Variants in DTL observed in about 807,000 individuals in gnomAD.
DTL encodes the protein denticleless E3 ubiquitin protein ligase adapter, also known as denticleless protein homolog.
In DTL, 46 loss-of-function variants were observed where a neutral mutation model predicts 87.0. The ratio of observed to expected loss-of-function variants is 0.53; its 90% CI spans 0.42 to 0.68. The LOEUF (loss-of-function observed/expected upper bound fraction) is 0.68, where lower values mean the gene tolerates loss of function less well. DTL is among the 30% of genes least tolerant of loss of function. DTL has a pLI of 0.00. For synonymous variants in DTL, 308 were observed against 311.2 expected, an observed-to-expected ratio of 0.99 and a Z score of 0.11; for missense variants, 737 against 869.4, an observed-to-expected ratio of 0.85 and a Z score of 1.91.
chr1:212,051,576 T>A, intron 5 of DTL: 1 of 768,154 alleles, frequency 1.3e-6, no homozygotes, highest in Non-Finnish European at 2.2e-6. Flanking sequence ...CTCCTTCCCA[T>A]TGGTTCTCAC....
chr1:212,080,265 T>C (rs1256571506), intron 12 of DTL: 1 of 164,588 alleles, frequency 6.1e-6, no homozygotes, highest in East Asian at 1.7e-4. Flanking sequence ...ATATACTGAT[T>C]GATCATTTAA....
At position 212,035,789 on chromosome 1, in the gene DTL, C is replaced by T. The variant is rs1019387339; in HGVS notation, c.-102C>T. ...GGCTTACAGTGGCGGGAGTTGGAGGCGATAACGATTTGTGTTGTGAGAGGC... is the reference window on the plus strand; with the variant it reads ...GGCTTACAGTGGCGGGAGTTGGAGGTGATAACGATTTGTGTTGTGAGAGGC... On this transcript the variant is annotated 5_prime_UTR_variant, in exon 1 of 15. Transcript: ENST00000366991. 3 of 1,095,126 alleles carry T rather than the reference C, an allele frequency of 2.7e-6. No individual in the cohort carries two copies. Among genetic ancestry groups the T allele is most frequent in the South Asian group, 2.8e-5 (2 of 72,352 alleles). 67.8% of individuals were successfully genotyped at this position (1,095,126 alleles called of 1,614,324 possible). A position where few individuals can be genotyped will look rare whatever the true frequency, so the allele number is the denominator to read the frequency against.
chr1:212,063,092 A>G, intron 6 of DTL, 143 bp downstream of exon 6: 2 of 657,736 alleles, frequency 3.0e-6, no homozygotes, highest in Non-Finnish European at 2.7e-6. Context: ...TCCAGATCTC[A>G]GGATCTTCAC....
intron 1 of DTL, among the ~76,000 whole-genome samples, chr1:212,038,217 C>T (rs913452399): frequency 2.0e-5 from 3 of 152,182 alleles, no homozygotes; most frequent in Non-Finnish European, 2.9e-5. Flanking sequence ...TCCACACGGC[C>T]AATGGCCTCA....
At chr1:212,066,789 T>G (rs199710338) in intron 7 of DTL, 23 bp from the exon 8 acceptor site, 49 of 1,608,642 alleles carry the variant, frequency 3.0e-5, no homozygotes, top group Non-Finnish European at 3.8e-5. Flanking sequence ...AGATAGAATC[T>G]TCTTCTTTTC....
intron 1 of DTL, among the ~76,000 whole-genome samples, chr1:212,036,565 G>A (rs192844233): frequency 1.3e-5 from 2 of 152,220 alleles, no homozygotes; most frequent in Non-Finnish European, 1.5e-5. Flanking sequence ...TGTTTTCGAC[G>A]CTAGAGGTAA....
Position 212,046,037 on chromosome 1 carries a change from A to G in DTL, c.278-1114A>G, listed in dbSNP as rs548677129. On this transcript the variant is annotated intron_variant, in intron 3 of 14. Transcript: ENST00000366991. ...GTGATCTGCCTGTCTTGGCCTCCCA[A>G]AGTGCTGGGATTACAGGTGTTAGCC... Among the ~76,000 whole-genome samples, 6 of 152,262 alleles carry G rather than the reference A, an allele frequency of 3.9e-5. No homozygotes were observed. In the South Asian group the frequency reaches 1.2e-3, roughly 32 times the overall value.
chr1:212,058,836 C>A (rs1182724958), intron 5 of DTL, among the ~76,000 whole-genome samples: 1 of 151,790 alleles, frequency 6.6e-6, no homozygotes, highest in African/African-American at 2.4e-5. Flanking sequence ...TAAATAAAAT[C>A]AGAAATGAAA....
At position 212,100,762 on chromosome 1, in the gene DTL, T is replaced by A; in HGVS notation, c.1772T>A (p.Leu591His). ...AATCTTCATTTGGATCTGTGCTGCC[T>A]TGCTGGTAACCAGGAAGACCTTAGT... ...VENLHLDLCC[L>H]AGNQEDLSKD... The change falls in exon 14 of 15, where the codon CTT becomes CAT. Residue 591 changes from leucine (L) to histidine (H), a missense_variant. Physicochemically the swap from Leu to His is moderately conservative, Grantham distance 99. Coordinates refer to ENST00000366991, the MANE Select transcript of DTL (RefSeq NM_016448.4). The A allele has an allele frequency of 1.2e-6, 2 of 1,614,146 alleles. No individual in the cohort carries two copies. Among genetic ancestry groups the A allele is most frequent in the Non-Finnish European group, 1.7e-6 (2 of 1,180,022 alleles).
At position 212,047,332 on chromosome 1, in the gene DTL, G is replaced by C. The variant is rs1558071791; in HGVS notation, c.375G>C (p.Trp125Cys). 6.2e-7 allele frequency: 1 copy of C among 1,614,110 alleles called. No individual in the cohort carries two copies. The highest frequency in any genetic ancestry group is 2.2e-5 in the East Asian group (1 of 44,872). Residue 125 changes from tryptophan to cysteine, a missense_variant, in exon 5 of 15, where the codon TGG becomes TGC. Trp to Cys is a radical substitution (Grantham distance 215). Transcript: ENST00000366991. ...CAGGTGATCAAACAGCCAAATTTTG[G>C]GACGTAAAAGCTGGTGAGCTGATTG... Reference protein sequence around the residue: ...TAAGDQTAKFWDVKAGELIGT... With the variant: ...TAAGDQTAKFCDVKAGELIGT...
chr1:212,055,087 A>G (rs1668126251), intron 5 of DTL, among the ~76,000 whole-genome samples: 1 of 152,250 alleles, frequency 6.6e-6, no homozygotes, highest in Non-Finnish European at 1.5e-5. Context: ...GTGAGATCGT[A>G]GATAATCACC....
At chr1:212,065,093 C>A in intron 7 of DTL, 64 bp downstream of exon 7, 1 of 1,178,398 alleles carries the variant, frequency 8.5e-7, no homozygotes, top group Non-Finnish European at 1.3e-6. Flanking sequence ...AAATGGGAGG[C>A]TATTGATTAA....
chr1:212,044,762 A>G lies in DTL; in HGVS notation c.277+4A>G. 3 of 1,576,390 alleles carry G rather than the reference A, an allele frequency of 1.9e-6. No individual in the cohort carries two copies. Among genetic ancestry groups the G allele is most frequent in the Non-Finnish European group, 2.6e-6 (3 of 1,155,020 alleles). Reference sequence around the variant, plus strand: ...TTCAGAAAGAAGTGCTTCAAAGGTAAGTCTAGGTCTACAATTTTTGTTTTA... The same window carrying G: ...TTCAGAAAGAAGTGCTTCAAAGGTAGGTCTAGGTCTACAATTTTTGTTTTA... On this transcript the variant is annotated splice_donor_region_variant and intron_variant, in intron 3 of 14. Coordinates refer to ENST00000366991, the MANE Select transcript of DTL (RefSeq NM_016448.4).
At position 212,050,882 on chromosome 1, in the gene DTL, T is replaced by C. The variant is rs1437384595; in HGVS notation, c.460+3465T>C. Among the ~76,000 whole-genome samples the C allele has an allele frequency of 5.3e-5, 8 of 152,284 alleles. No homozygotes were observed. The East Asian group carries it at 1.4e-3, about 26-fold the overall frequency. ...GCTAAGGTTATTAATTATCTAATTA[T>C]CAGAAAGCACGAAACTTTTCAGGTC... is the stretch of plus-strand genomic sequence containing the variant. On this transcript the variant is annotated intron_variant, in intron 5 of 14. Coordinates refer to ENST00000366991, the MANE Select transcript of DTL (RefSeq NM_016448.4).
intron 5 of DTL, among the ~76,000 whole-genome samples, chr1:212,054,494 A>C (rs1476499201): frequency 1.3e-5 from 2 of 151,612 alleles, no homozygotes; most frequent in African/African-American, 4.8e-5. Flanking sequence ...CAAAAATTGC[A>C]TGTTTAAGAG....
intron 5 of DTL, among the ~76,000 whole-genome samples, chr1:212,058,727 A>G (rs1477307181): frequency 6.6e-6 from 1 of 152,136 alleles, no homozygotes; most frequent in African/African-American, 2.4e-5. Context: ...AAAAAACAAG[A>G]AAAAGGGTCA....
chr1:212,045,924 T>TTTGTTGTTG (rs10636026), intron 3 of DTL, among the ~76,000 whole-genome samples: 1,597 of 150,750 alleles, frequency 0.011, 29 homozygotes, highest in African/African-American at 0.036. Flanking sequence ...TGTTTTTGGT[T>TTTGTTGTTG]TTGTTGTTGT....
At position 212,100,931 on chromosome 1, in the gene DTL, T is replaced by C. The variant is rs375388493; in HGVS notation, c.1941T>C (p.Ser647=). The C allele has an allele frequency of 6.2e-7, 1 of 1,614,076 alleles. No individual in the cohort carries two copies. The highest frequency in any genetic ancestry group is 1.3e-5 in the African/African-American group (1 of 74,934). ...CTTTGAGACCTTGTGGAGAAGGGTC[T>C]GAAATGGTAGGCAAAGAGAATAGTT... ...PLPLRPCGEG[S]EMVGKENSSP... is the part of the protein sequence containing the mutation. Residue 647 remains serine (S), a synonymous_variant, in exon 14 of 15, where the codon TCT becomes TCC. Transcript: ENST00000366991.
At chr1:212,036,268 GTTAT>G (rs1239879593) in intron 1 of DTL, among the ~76,000 whole-genome samples, 1 of 152,138 alleles carries the variant, frequency 6.6e-6, no homozygotes, top group African/African-American at 2.4e-5. Context: ...TCCTTCAACG[GTTAT>G]TTGAGATGCT....
Sources: gnomAD v4.1 joint callset for allele counts (sites outside exome capture counted in the v4.1 genomes callset) on GRCh38, gnomAD v4.1.1 for gene constraint, MANE v1.5 for transcripts, NCBI Gene and HGNC (gene_info 2026-07-23, HGNC 2026-07-21) for gene names.